The following SDK1 variants were observed in gnomAD, a reference collection of about 807,000 sequenced individuals.
SDK1 encodes the protein protein sidekick-1.
A neutral mutation model predicts 245.5 loss-of-function variants in SDK1; 157 were observed. The ratio of observed to expected loss-of-function variants is 0.64; its 90% CI spans 0.56 to 0.73. The LOEUF (loss-of-function observed/expected upper bound fraction) is 0.73, where lower values mean the gene tolerates loss of function less well. Ranked by LOEUF, SDK1 falls within the 30% of genes least tolerant of loss-of-function variation. SDK1 has a pLI of 0.00. For missense variants in SDK1, 3,583 were observed against 3,002.3 expected (o/e 1.19, Z -4.52); for synonymous variants, 1,647 against 1,278.5 (o/e 1.29, Z -6.15).
chr7:4,008,331 A>G (rs1376052033), intron 14 of SDK1, among the ~76,000 whole-genome samples: 3 of 152,258 alleles, frequency 2.0e-5, no homozygotes, highest in East Asian at 1.9e-4. Context: ...TCAAAATCCT[A>G]AGGAAAGTGA....
At chr7:3,640,924 C>G (rs1782629350) in intron 3 of SDK1, among the ~76,000 whole-genome samples, 1 of 152,066 alleles carries the variant, frequency 6.6e-6, no homozygotes, top group African/African-American at 2.4e-5. Flanking sequence ...CCTCGTGATC[C>G]ACCCGCCTCG....
chr7:4,073,967 G>A (rs1019309114), intron 20 of SDK1, among the ~76,000 whole-genome samples: 2 of 151,400 alleles, frequency 1.3e-5, no homozygotes, highest in African/African-American at 2.4e-5. Flanking sequence ...ACTATGGGGT[G>A]GGGCGGGGGA....
intron 1 of SDK1, among the ~76,000 whole-genome samples, chr7:3,376,643 G>A (rs10232765): frequency 0.48 from 72,295 of 152,034 alleles, 18,442 homozygotes; most frequent in East Asian, 0.61. Flanking sequence ...AAGATTATAC[G>A]GTGTGGGTGG....
At chr7:3,567,008 G>A (rs9791974) in intron 1 of SDK1, among the ~76,000 whole-genome samples, 98,343 of 152,000 alleles carry the variant, frequency 0.65, 32,617 homozygotes, top group African/African-American at 0.79. Flanking sequence ...AGAAGTTGCT[G>A]AATTAGGCCC....
intron 2 of SDK1, among the ~76,000 whole-genome samples, chr7:3,634,021 C>T (rs1188925673): frequency 2.0e-5 from 3 of 152,164 alleles, no homozygotes; most frequent in East Asian, 1.9e-4. Flanking sequence ...TCTCCTTTAG[C>T]CCTCTTCCTG....
chr7:3,786,586 A>G (rs1780906921), intron 4 of SDK1, among the ~76,000 whole-genome samples: 1 of 152,222 alleles, frequency 6.6e-6, no homozygotes, highest in Non-Finnish European at 1.5e-5. Flanking sequence ...ATGTCTTCTG[A>G]TTAATCAAAT....
intron 1 of SDK1, among the ~76,000 whole-genome samples, chr7:3,417,863 T>C (rs1161443363): frequency 6.6e-6 from 1 of 152,084 alleles, no homozygotes; most frequent in Non-Finnish European, 1.5e-5. Context: ...GTGGAATTCA[T>C]TGGATGTTTT....
chr7:3,483,308 T>G (rs1008192527), intron 1 of SDK1, among the ~76,000 whole-genome samples: 1 of 152,202 alleles, frequency 6.6e-6, no homozygotes, highest in African/African-American at 2.4e-5. Context: ...CATAAAGATC[T>G]TGCCACCTTT....
intron 1 of SDK1, among the ~76,000 whole-genome samples, chr7:3,504,855 C>G (rs1181208471): frequency 1.3e-5 from 2 of 151,436 alleles, no homozygotes; most frequent in Non-Finnish European, 2.9e-5. Context: ...CCTGGCAGTT[C>G]CTGAAAATGT....
chr7:3,974,594 A>G, intron 13 of SDK1, 49 bp downstream of exon 13: 2 of 1,570,590 alleles, frequency 1.3e-6, no homozygotes, highest in Non-Finnish European at 1.7e-6. Flanking sequence ...TTTCTCCGTT[A>G]CTGTGCCCCT....
intron 5 of SDK1, among the ~76,000 whole-genome samples, chr7:3,880,478 T>C (rs961006987): frequency 6.7e-6 from 1 of 149,914 alleles, no homozygotes; most frequent in Non-Finnish European, 1.5e-5. Flanking sequence ...TCTGGAGGGC[T>C]GCCAAGATCA....
intron 32 of SDK1, among the ~76,000 whole-genome samples, chr7:4,169,633 A>G (rs1781715595): frequency 6.6e-6 from 1 of 152,164 alleles, no homozygotes; most frequent in African/African-American, 2.4e-5. Context: ...TCCTAGATGC[A>G]ATGAGACGGC....
chr7:3,823,748 A>G (rs1779702508), intron 5 of SDK1, among the ~76,000 whole-genome samples: 1 of 152,308 alleles, frequency 6.6e-6, no homozygotes, highest in South Asian at 2.1e-4. Flanking sequence ...AGTTGATGAT[A>G]TGGACTTATT....
chr7:3,356,186 T>G (rs1169828711), intron 1 of SDK1, among the ~76,000 whole-genome samples: 6 of 152,198 alleles, frequency 3.9e-5, no homozygotes, highest in Admixed American at 3.9e-4. Flanking sequence ...ATCTGTAGTT[T>G]TGGAAAATTG....
At chr7:3,453,975 A>G (rs1164713152) in intron 1 of SDK1, among the ~76,000 whole-genome samples, 1 of 152,222 alleles carries the variant, frequency 6.6e-6, no homozygotes, top group Non-Finnish European at 1.5e-5. Context: ...CTGGTTTTGT[A>G]GGAGAAAAAG....
chr7:3,478,922 T>G (rs1255220940), intron 1 of SDK1, among the ~76,000 whole-genome samples: 2 of 152,192 alleles, frequency 1.3e-5, no homozygotes, highest in African/African-American at 2.4e-5. Flanking sequence ...TTATGATTTC[T>G]TCTTTAATCA....
At chr7:3,992,503 G>T (rs572539170) in intron 14 of SDK1, among the ~76,000 whole-genome samples, 3 of 152,306 alleles carry the variant, frequency 2.0e-5, no homozygotes, top group African/African-American at 2.4e-5. Context: ...AAGCCTGGGG[G>T]ATCCCTGCAT....
At chr7:4,093,274 C>T (rs1485704005) in intron 22 of SDK1, among the ~76,000 whole-genome samples, 2 of 151,914 alleles carry the variant, frequency 1.3e-5, no homozygotes, top group East Asian at 3.9e-4. Flanking sequence ...ATTTGCCACT[C>T]CTGTTTGTCT....
chr7:3,996,297 C>T (rs1331598070), intron 14 of SDK1, among the ~76,000 whole-genome samples: 3 of 152,120 alleles, frequency 2.0e-5, no homozygotes, highest in African/African-American at 7.2e-5. Flanking sequence ...GCTTTACTTC[C>T]AAAAGGTGTT....
Sources: gnomAD v4.1 joint callset for allele counts (sites outside exome capture counted in the v4.1 genomes callset) on GRCh38, gnomAD v4.1.1 for gene constraint, MANE v1.5 for transcripts, NCBI Gene and HGNC (gene_info 2026-07-23, HGNC 2026-07-21) for gene names.